Variants in WWTR1 observed in about 807,000 individuals in gnomAD.
WWTR1 encodes WW domain containing transcription regulator 1.
In WWTR1, 13 loss-of-function variants were observed where a neutral mutation model predicts 40.1. The ratio of observed to expected loss-of-function variants is 0.32; its 90% confidence interval spans 0.21 to 0.52. The LOEUF (loss-of-function observed/expected upper bound fraction) is 0.52, where lower values mean the gene tolerates loss of function less well. Among genes scored for constraint, WWTR1 ranks in the 20% least tolerant of loss-of-function variants. The pLI is 0.97. For missense variants in WWTR1, 436 were observed against 523.1 expected (o/e 0.83, Z 1.63); for synonymous variants, 230 against 210.1 (o/e 1.09, Z -0.82).
chr3:149,614,803 T>A (rs1739889985), intron 2 of WWTR1, among the ~76,000 whole-genome samples: 1 of 152,050 alleles, frequency 6.6e-6, no homozygotes, highest in African/African-American at 2.4e-5. Flanking sequence ...GCCAACATGG[T>A]GAAACCCTGT....
chr3:149,550,896 T>G (rs1037320897), intron 3 of WWTR1, among the ~76,000 whole-genome samples: 1 of 145,348 alleles, frequency 6.9e-6, no homozygotes, highest in African/African-American at 2.6e-5. Context: ...CAGTTACATA[T>G]ATTCCAAATT....
chr3:149,555,841 A>G (rs1176944851), intron 3 of WWTR1, among the ~76,000 whole-genome samples: 1 of 152,246 alleles, frequency 6.6e-6, no homozygotes, highest in Non-Finnish European at 1.5e-5. Context: ...TCTAACGAAA[A>G]GACAGGCTAT....
In WWTR1 at chr3:149,570,741, C is replaced by T. The variant is rs191261620; in HGVS notation, c.568+2123G>A. ...CAATTGGACTTTGTGTGTGTGTGTG[C>T]ATATGCATGCATGTATGCACATACA... On this transcript the variant is annotated intron_variant, in intron 3 of 6. Transcript: ENST00000360632. Among the ~76,000 whole-genome samples the T allele has an allele frequency of 7.3e-4, 111 of 152,156 alleles. 1 individual carries two copies. The highest frequency in any genetic ancestry group is 6.8e-3 in the Middle Eastern group (2 of 294).
chr3:149,671,542 T>C (rs1262920054), intron 1 of WWTR1, among the ~76,000 whole-genome samples: 4 of 152,194 alleles, frequency 2.6e-5, no homozygotes, highest in African/African-American at 9.6e-5. Flanking sequence ...AAATATTACA[T>C]CGTATGTTTG....
At chr3:149,617,219 G>A (rs1162348106) in intron 2 of WWTR1, among the ~76,000 whole-genome samples, 1 of 152,108 alleles carries the variant, frequency 6.6e-6, no homozygotes, top group East Asian at 1.9e-4. Flanking sequence ...GGTCTCCTGG[G>A]GACCATGATG....
chr3:149,677,483 G>A lies in WWTR1; in HGVS notation c.-107-7592C>T, dbSNP rs576686729. Among the ~76,000 whole-genome samples the A allele has an allele frequency of 2.6e-5, 4 of 152,180 alleles. No individual in the cohort carries two copies. The South Asian group carries it at 8.3e-4, about 32-fold the overall frequency. On this transcript the variant is annotated intron_variant, in intron 1 of 7. Transcript: ENST00000465804. ...TTTCATACACTGACAAGCTCCAAAT[G>A]TATATCTACAGAGCACTTTCCAGTA... is the stretch of plus-strand genomic sequence containing the variant.
intron 1 of WWTR1, among the ~76,000 whole-genome samples, chr3:149,690,447 T>C (rs1417836141): frequency 6.6e-6 from 1 of 151,758 alleles, no homozygotes; most frequent in African/African-American, 2.4e-5. Context: ...AAAATGGAAA[T>C]GAAAAAAAGC....
intron 2 of WWTR1, among the ~76,000 whole-genome samples, chr3:149,631,535 C>T (rs1367159465): frequency 1.3e-5 from 2 of 152,182 alleles, no homozygotes; most frequent in Non-Finnish European, 2.9e-5. Context: ...ATTCAATAAC[C>T]ATAAGCAAGC....
intron 1 of WWTR1, among the ~76,000 whole-genome samples, chr3:149,688,965 C>T (rs1275896053): frequency 2.0e-5 from 3 of 152,126 alleles, no homozygotes; most frequent in Admixed American, 2.0e-4. Context: ...TTTTAAAAAT[C>T]AAGGAGAAAT....
intron 2 of WWTR1, among the ~76,000 whole-genome samples, chr3:149,628,620 T>C (rs1319101541): frequency 6.6e-6 from 1 of 152,116 alleles, no homozygotes; most frequent in African/African-American, 2.4e-5. Context: ...TTTTGAAGGT[T>C]AGGGAAAATG....
At chr3:149,684,440 T>C (rs1576639941) in intron 1 of WWTR1, among the ~76,000 whole-genome samples, 1 of 152,228 alleles carries the variant, frequency 6.6e-6, no homozygotes, top group South Asian at 2.1e-4. Flanking sequence ...AATTGAACTA[T>C]TCATTACTTT....
At chr3:149,685,781 T>C (rs988595262) in intron 1 of WWTR1, among the ~76,000 whole-genome samples, 9 of 152,160 alleles carry the variant, frequency 5.9e-5, no homozygotes, top group African/African-American at 2.2e-4. Context: ...ATTAGCAGAG[T>C]AGACGTTATC....
chr3:149,682,289 T>C (rs12635605), intron 1 of WWTR1, among the ~76,000 whole-genome samples: 46,306 of 152,048 alleles, frequency 0.3, 7,427 homozygotes, highest in Admixed American at 0.39. Flanking sequence ...TTAAGGTTAA[T>C]TCCCCAGGAT....
intron 2 of WWTR1, among the ~76,000 whole-genome samples, chr3:149,597,435 A>C (rs1488371129): frequency 2.7e-5 from 4 of 147,534 alleles, no homozygotes; most frequent in African/African-American, 1.0e-4. Context: ...AGCTCTACAA[A>C]AAAAAAAAAA....
chr3:149,675,639 G>A (rs1010895225), intron 1 of WWTR1, among the ~76,000 whole-genome samples: 6 of 152,158 alleles, frequency 3.9e-5, no homozygotes, highest in African/African-American at 1.4e-4. Flanking sequence ...GAGGAGCAGT[G>A]GTGTTTCTAG....
chr3:149,588,108 T>C (rs571888422), intron 2 of WWTR1, among the ~76,000 whole-genome samples: 9 of 152,360 alleles, frequency 5.9e-5, no homozygotes, highest in Admixed American at 5.2e-4. Flanking sequence ...GCCAAGAGAC[T>C]AAGTTCTAGA....
intron 2 of WWTR1, among the ~76,000 whole-genome samples, chr3:149,625,790 A>T (rs1018358161): frequency 7.8e-5 from 11 of 141,372 alleles, no homozygotes; most frequent in Admixed American, 2.1e-4. Context: ...GATTCCAAAT[A>T]AAAAAAAAAA....
At chr3:149,697,085 T>C (rs1183829300) in intron 1 of WWTR1, among the ~76,000 whole-genome samples, 1 of 152,208 alleles carries the variant, frequency 6.6e-6, no homozygotes, top group Non-Finnish European at 1.5e-5. Context: ...ACATGATAGA[T>C]GTTTTAGTTT....
At chr3:149,628,817 T>C (rs886263124) in intron 2 of WWTR1, among the ~76,000 whole-genome samples, 1 of 151,814 alleles carries the variant, frequency 6.6e-6, no homozygotes, top group Non-Finnish European at 1.5e-5. Flanking sequence ...TTGCCCAGGC[T>C]AGATAGAGTA....
Sources: gnomAD v4.1 joint callset for allele counts (sites outside exome capture counted in the v4.1 genomes callset) on GRCh38, gnomAD v4.1.1 for gene constraint, MANE v1.5 for transcripts, NCBI Gene and HGNC (gene_info 2026-07-23, HGNC 2026-07-21) for gene names.